TIGAR: variants seen among roughly 807,000 people sequenced by gnomAD.
TIGAR encodes the protein TP53 induced glycolysis regulatory phosphatase.
A neutral mutation model predicts 17.9 loss-of-function variants in TIGAR; 7 were observed. The observed-to-expected ratio is 0.39, with a 90% CI of 0.22 to 0.73. The LOEUF (loss-of-function observed/expected upper bound fraction) is 0.73, where lower values mean the gene tolerates loss of function less well. TIGAR is among the 30% of genes least tolerant of loss of function. TIGAR has a pLI of 0.42. For missense variants in TIGAR, 258 were observed against 327.4 expected, an observed-to-expected ratio of 0.79 and a Z score of 1.64; for synonymous variants, 94 against 108.6, an observed-to-expected ratio of 0.87 and a Z score of 0.84.
At chr12:4,325,699 G>A (rs1463497039) in intron 1 of TIGAR, among the ~76,000 whole-genome samples, 1 of 145,618 alleles carries the variant, frequency 6.9e-6, no homozygotes, top group South Asian at 2.1e-4. Context: ...CCCAGATTGC[G>A]CCGTTGCACT....
rs1864836671 is a variant in TIGAR at position 4,351,371 on chromosome 12, G to A, written c.375G>A (p.Leu125=). The A allele has an allele frequency of 1.2e-6, 2 of 1,613,866 alleles. No individual in the cohort carries two copies. The highest frequency in any genetic ancestry group is 1.7e-4 in the Middle Eastern group (1 of 6,044). ...TTACACCGCCCGGAGGAGAGACGCTGGACCAGGTATGTGGCGCTGCCGATG... is the reference window on the plus strand; with the variant it reads ...TTACACCGCCCGGAGGAGAGACGCTAGACCAGGTATGTGGCGCTGCCGATG... ...PVFTPPGGET[L]DQVKMRGIDF... is the part of the protein sequence containing the mutation. The change falls in exon 5 of 6, where the codon CTG becomes CTA. Residue 125 remains leucine, a synonymous_variant. Coordinates refer to ENST00000179259, the MANE Select transcript of TIGAR (RefSeq NM_020375.3).
intron 3 of TIGAR, among the ~76,000 whole-genome samples, chr12:4,344,144 C>A (rs907325557): frequency 6.6e-6 from 1 of 151,978 alleles, no homozygotes; most frequent in South Asian, 2.1e-4. Flanking sequence ...GGATAAATTC[C>A]TCGACACCTA....
chr12:4,330,909 T>A (rs538048483), intron 1 of TIGAR, among the ~76,000 whole-genome samples: 85 of 152,344 alleles, frequency 5.6e-4, no homozygotes, highest in African/African-American at 1.9e-3. Context: ...ATAGACTGAC[T>A]CTCACGTTTT....
In TIGAR at chr12:4,321,355, T is replaced by C. The variant is rs762185733; in HGVS notation, c.32+52T>C. ...TTCTCTCTCTCTTCCTTGAGTGTGT[T>C]GGAGCGGGTGAAGGGAAAACGGGTC... On this transcript the variant is annotated intron_variant, in intron 1 of 5. Coordinates refer to ENST00000179259, the MANE Select transcript of TIGAR (RefSeq NM_020375.3). The surrounding 1 kb of genome is among the most constrained non-coding windows in gnomAD (Gnocchi z 5.2). 1 of 1,598,176 alleles carries C rather than the reference T, an allele frequency of 6.3e-7. No individual in the cohort carries two copies. The highest frequency in any genetic ancestry group is 8.5e-7 in the Non-Finnish European group (1 of 1,178,644).
rs750878636 is a variant in TIGAR at position 4,349,937 on chromosome 12, T to G, written c.270+41T>G. The G allele has an allele frequency of 2.9e-6, 4 of 1,377,142 alleles. No individual in the cohort carries two copies. In the South Asian group the frequency reaches 5.6e-5, roughly 19 times the overall value. 85.3% of individuals were successfully genotyped at this position (1,377,142 alleles called of 1,614,324 possible). A position where few individuals can be genotyped will look rare whatever the true frequency, so the allele number is the denominator to read the frequency against. The stretch of plus-strand genomic sequence containing the variant: ...ACATATTGTTCTTCCCCATAAATTA[T>G]CAGTAAGCCACCTCAGTTTGTCACT... On this transcript the variant is annotated intron_variant, in intron 4 of 5. Transcript: ENST00000179259.
Position 4,358,616 on chromosome 12 carries a change from T to G in TIGAR, c.*5925T>G, listed in dbSNP as rs1864939528. Among the ~76,000 whole-genome samples, 1 of 149,448 alleles carries G rather than the reference T, an allele frequency of 6.7e-6. No homozygotes were observed. Reference sequence around the variant, plus strand: ...CTGAGATCAACAATGTTCTTATATATAACCCAGAATAAATATCTGAGTCAG... The same window carrying G: ...CTGAGATCAACAATGTTCTTATATAGAACCCAGAATAAATATCTGAGTCAG... On this transcript the variant is annotated 3_prime_UTR_variant, in exon 6 of 6. Transcript: ENST00000179259.
chr12:4,324,694 G>C (rs1415844257), intron 1 of TIGAR: 1 of 913,640 alleles, frequency 1.1e-6, no homozygotes, highest in Admixed American at 2.0e-5. Flanking sequence ...CCGCTGGCAC[G>C]CACTGTACAG....
At chr12:4,345,854 T>C (rs773252142) in intron 3 of TIGAR, among the ~76,000 whole-genome samples, 3 of 152,182 alleles carry the variant, frequency 2.0e-5, no homozygotes, top group Non-Finnish European at 4.4e-5. Context: ...TTTTCCAATC[T>C]ACTCATCTGA....
chr12:4,350,776 CAA>C (rs745374518), intron 4 of TIGAR, among the ~76,000 whole-genome samples: 14 of 89,190 alleles, frequency 1.6e-4, no homozygotes, highest in Non-Finnish European at 1.7e-4. Context: ...GATTCCGTCT[CAA>C]AAAAAAAAAA....
intron 2 of TIGAR, among the ~76,000 whole-genome samples, chr12:4,332,168 T>G (rs1001015014): frequency 6.6e-6 from 1 of 152,064 alleles, no homozygotes; most frequent in African/African-American, 2.4e-5. Flanking sequence ...TTTCCTGACC[T>G]TGTCAGTTGG....
chr12:4,330,888 T>G (rs1864596685), intron 1 of TIGAR, among the ~76,000 whole-genome samples: 1 of 152,212 alleles, frequency 6.6e-6, no homozygotes, highest in Non-Finnish European at 1.5e-5. Flanking sequence ...GCTCATTCAG[T>G]CCAGCAATGA....
intron 3 of TIGAR, among the ~76,000 whole-genome samples, chr12:4,341,648 G>A (rs1864723651): frequency 2.0e-5 from 3 of 152,204 alleles, no homozygotes; most frequent in Non-Finnish European, 4.4e-5. Flanking sequence ...TGGACCTCCA[G>A]CAAACTCCAA....
At chr12:4,339,582 G>C (rs1299252065) in intron 3 of TIGAR, among the ~76,000 whole-genome samples, 1 of 152,110 alleles carries the variant, frequency 6.6e-6, no homozygotes, top group Middle Eastern at 3.2e-3. Flanking sequence ...AAACCAGACA[G>C]ACACATTAAA....
Position 4,351,341 on chromosome 12 carries a change from T to A in TIGAR, c.345T>A (p.Pro115=), listed in dbSNP as rs751635395. The change falls in exon 5 of 6, where the codon CCT becomes CCA. Residue 115 remains proline, a synonymous_variant. Transcript: ENST00000179259. ...CCAAAGCAGCCAGGGAAGAGTGCCCTGTGTTTACACCGCCCGGAGGAGAGA... is the reference window on the plus strand; with the variant it reads ...CCAAAGCAGCCAGGGAAGAGTGCCCAGTGTTTACACCGCCCGGAGGAGAGA... ...AMAKAAREEC[P]VFTPPGGETL... The A allele has an allele frequency of 3.7e-6, 6 of 1,614,180 alleles. No homozygotes were observed. The South Asian group carries it at 6.6e-5, about 18-fold the overall frequency.
chr12:4,327,860 G>T (rs1204204087), intron 1 of TIGAR, among the ~76,000 whole-genome samples: 1 of 151,994 alleles, frequency 6.6e-6, no homozygotes, highest in Non-Finnish European at 1.5e-5. Context: ...TAGAGACGGG[G>T]TTTCACCATA....
chr12:4,358,240 GT>G lies in TIGAR; in HGVS notation c.*5550del, dbSNP rs1236278892. Among the ~76,000 whole-genome samples, 3 of 151,128 alleles carry G rather than the reference GT, an allele frequency of 2.0e-5. No homozygotes were observed. Among genetic ancestry groups the G allele is most frequent in the Non-Finnish European group, 4.4e-5 (3 of 67,890 alleles). Reference sequence around the variant, plus strand: ...GTTCAAGACCAGCCTGGCCAACATGGTGAAACCCTGTCTTTACTAAAAATAC... The same window carrying G: ...GTTCAAGACCAGCCTGGCCAACATGGGAAACCCTGTCTTTACTAAAAATAC... On this transcript the variant is annotated 3_prime_UTR_variant, in exon 6 of 6. Coordinates refer to ENST00000179259, the MANE Select transcript of TIGAR (RefSeq NM_020375.3).
intron 1 of TIGAR, among the ~76,000 whole-genome samples, chr12:4,325,250 A>G (rs1163450727): frequency 3.5e-5 from 5 of 142,814 alleles, no homozygotes; most frequent in African/African-American, 1.0e-4. Context: ...CCGAATTAGT[A>G]AAGTTACTGA....
chr12:4,324,323 C>CT (rs34096957), intron 1 of TIGAR: 35,752 of 616,476 alleles, frequency 0.058, 86 homozygotes, highest in East Asian at 0.085. Flanking sequence ...ATTTAACTTC[C>CT]TTTTTTTTTT....
chr12:4,356,397 A>G lies in TIGAR; in HGVS notation c.*3706A>G, dbSNP rs1007728455. On this transcript the variant is annotated 3_prime_UTR_variant, in exon 6 of 6. Transcript: ENST00000179259. ...CCCGGTTTTTGATTGTTTTTTAACA[A>G]ATGAATTTTTTAAGAGACTTAATTT... 6.6e-6 allele frequency among the ~76,000 whole-genome samples: 1 copy of G among 152,148 alleles called. No individual in the cohort carries two copies. Among genetic ancestry groups the G allele is most frequent in the Admixed American group, 6.5e-5 (1 of 15,274 alleles).
Sources: gnomAD v4.1 joint callset for allele counts (sites outside exome capture counted in the v4.1 genomes callset) on GRCh38, gnomAD v4.1.1 for gene constraint, Gnocchi (gnomAD v3.1) non-coding constraint, MANE v1.5 for transcripts, NCBI Gene and HGNC (gene_info 2026-07-23, HGNC 2026-07-21) for gene names.